The following TNFAIP8 variants were observed in gnomAD, a reference collection of about 807,000 sequenced individuals.
TNFAIP8 encodes tumor necrosis factor alpha-induced protein 8.
TNFAIP8 carries 7 observed loss-of-function variants against 13.3 expected under a neutral mutation model. That is an observed-to-expected ratio of 0.52 (90% CI 0.30 to 0.99). The LOEUF (loss-of-function observed/expected upper bound fraction) is 0.99, where lower values mean the gene tolerates loss of function less well. Ranked by LOEUF, TNFAIP8 falls within the 50% of genes least tolerant of loss-of-function variation. The pLI is 0.07. For missense variants in TNFAIP8, 258 were observed against 236.9 expected (o/e 1.09, Z -0.58); for synonymous variants, 94 against 87.6 (o/e 1.07, Z -0.41).
chr5:119,314,170 A>AAAACAAAC (rs3055625), intron 1 of TNFAIP8, among the ~76,000 whole-genome samples: 6 of 151,024 alleles, frequency 4.0e-5, no homozygotes, highest in African/African-American at 1.2e-4. Flanking sequence ...GCTGTCTCTA[A>AAAACAAAC]AAACAAACAA....
intron 1 of TNFAIP8, among the ~76,000 whole-genome samples, chr5:119,278,386 T>A (rs879937140): frequency 0.17 from 21,363 of 128,182 alleles, 1,713 homozygotes; most frequent in Non-Finnish European, 0.18. Context: ...AGTGTGTGTG[T>A]GTGTGTGTGT....
chr5:119,314,729 G>T (rs963590889), intron 1 of TNFAIP8, among the ~76,000 whole-genome samples: 4 of 152,244 alleles, frequency 2.6e-5, no homozygotes, highest in East Asian at 1.9e-4. Context: ...CTTTGCCTTG[G>T]ATAAATTTCT....
chr5:119,387,419 G>A (rs1278776464), intron 1 of TNFAIP8, among the ~76,000 whole-genome samples: 6 of 152,140 alleles, frequency 3.9e-5, no homozygotes, highest in African/African-American at 1.4e-4. Flanking sequence ...AATTTGCAAT[G>A]TATGTACATC....
At chr5:119,268,974 G>C in intron 1 of TNFAIP8, 2 of 652,212 alleles carry the variant, frequency 3.1e-6, no homozygotes, top group East Asian at 2.9e-5. Context: ...GCTGGGCTGC[G>C]GGCTGCTCTC....
chr5:119,365,861 T>G (rs1751832841), intron 1 of TNFAIP8, among the ~76,000 whole-genome samples: 1 of 150,072 alleles, frequency 6.7e-6, no homozygotes, highest in African/African-American at 2.5e-5. Flanking sequence ...CTCAAGAGAG[T>G]TTTCCAAGAG....
At chr5:119,277,065 G>T (rs1383991028) in intron 1 of TNFAIP8, among the ~76,000 whole-genome samples, 5 of 152,084 alleles carry the variant, frequency 3.3e-5, no homozygotes, top group Non-Finnish European at 7.4e-5. Context: ...ACAATATATT[G>T]TAATAAGATT....
At chr5:119,356,222 C>A in intron 1 of TNFAIP8, 101 bp downstream of exon 1, 1 of 1,118,790 alleles carries the variant, frequency 8.9e-7, no homozygotes, top group Non-Finnish European at 1.3e-6. Flanking sequence ...GAGCGGTGGG[C>A]ACTTTGTCCG....
intron 1 of TNFAIP8, chr5:119,333,633 T>C: frequency 2.6e-6 from 4 of 1,534,388 alleles, no homozygotes; most frequent in Non-Finnish European, 3.5e-6. Context: ...TGAAACTAGG[T>C]GAGTTAAAAC....
At chr5:119,306,593 A>C (rs1749574088) in intron 1 of TNFAIP8, 1 of 151,628 alleles carries the variant, frequency 6.6e-6, no homozygotes, top group African/African-American at 2.4e-5. Context: ...TTGGCCTCCC[A>C]AGTAGCTGGG....
chr5:119,372,505 G>C (rs568837568), intron 1 of TNFAIP8, among the ~76,000 whole-genome samples: 101 of 152,194 alleles, frequency 6.6e-4, no homozygotes, highest in African/African-American at 2.4e-3. Context: ...CGTAAACCTT[G>C]CTAATCATTT....
At chr5:119,295,263 ACCTAT>A (rs1749139804) in intron 1 of TNFAIP8, among the ~76,000 whole-genome samples, 1 of 58,860 alleles carries the variant, frequency 1.7e-5, no homozygotes, top group Non-Finnish European at 3.3e-5. Flanking sequence ...CTAACGTTAG[ACCTAT>A]AGGTCTAACG....
chr5:119,349,568 T>A (rs1466614482), intron 1 of TNFAIP8, among the ~76,000 whole-genome samples: 2 of 152,204 alleles, frequency 1.3e-5, no homozygotes, highest in Non-Finnish European at 2.9e-5. Context: ...TCTCCCAAAT[T>A]GAGTCTGGTG....
chr5:119,321,389 C>T (rs1750050479), intron 1 of TNFAIP8, among the ~76,000 whole-genome samples: 1 of 136,790 alleles, frequency 7.3e-6, no homozygotes, highest in African/African-American at 3.0e-5. Flanking sequence ...ATTTCTAGTC[C>T]TGGAGGATAA....
chr5:119,373,947 A>C (rs998088696), intron 1 of TNFAIP8, among the ~76,000 whole-genome samples: 2 of 152,180 alleles, frequency 1.3e-5, no homozygotes, highest in African/African-American at 4.8e-5. Context: ...ATCTGGCTAG[A>C]AACTAATAGT....
chr5:119,362,298 G>C (rs1287471414), intron 1 of TNFAIP8, among the ~76,000 whole-genome samples: 1 of 152,234 alleles, frequency 6.6e-6, no homozygotes, highest in African/African-American at 2.4e-5. Flanking sequence ...GTGGAGAGCA[G>C]TGATCATGGT....
At chr5:119,287,285 T>TTTC in intron 1 of TNFAIP8, among the ~76,000 whole-genome samples, 1 of 138,136 alleles carries the variant, frequency 7.2e-6, no homozygotes, top group East Asian at 2.1e-4. Context: ...ACCAAGTTTT[T>TTTC]TTTTTTTTTT....
chr5:119,385,561 G>T (rs571707218), intron 1 of TNFAIP8, among the ~76,000 whole-genome samples: 113 of 152,182 alleles, frequency 7.4e-4, no homozygotes, highest in African/African-American at 2.6e-3. Flanking sequence ...CAGAGTCCTC[G>T]TAGTACTAAA....
At chr5:119,301,073 A>G (rs1749375898) in intron 1 of TNFAIP8, among the ~76,000 whole-genome samples, 1 of 152,202 alleles carries the variant, frequency 6.6e-6, no homozygotes, top group South Asian at 2.1e-4. Flanking sequence ...AGATTATCAT[A>G]AGTCTCCTAA....
chr5:119,281,306 A>ACACACACACACACACACACACCTCTCT, intron 1 of TNFAIP8, among the ~76,000 whole-genome samples: 1 of 114,134 alleles, frequency 8.8e-6, no homozygotes, highest in Non-Finnish European at 1.9e-5. Flanking sequence ...ACACACACAC[A>ACACACACACACACACACACACCTCTCT]CTCTCTCTCT....
Sources: allele counts gnomAD v4.1 joint callset (sites outside exome capture counted in the v4.1 genomes callset), GRCh38; gene constraint gnomAD v4.1.1; transcripts MANE v1.5; gene names NCBI Gene and HGNC (gene_info 2026-07-23, HGNC 2026-07-21).